Variants in ROBO2 observed in about 807,000 individuals in gnomAD.
ROBO2 encodes the protein roundabout guidance receptor 2.
In ROBO2, 53 loss-of-function variants were observed where a neutral mutation model predicts 160.8. The observed-to-expected ratio is 0.33, with a 90% confidence interval of 0.26 to 0.41. ROBO2 has a LOEUF of 0.41. Ranked by LOEUF, ROBO2 falls within the 10% of genes least tolerant of loss-of-function variation. The probability of loss-of-function intolerance (pLI) is 1.00; values close to 1 mark genes in which losing one functional copy is unlikely to be tolerated. For synonymous variants in ROBO2, 664 were observed against 611.7 expected, an observed-to-expected ratio of 1.09 and a Z score of -1.26; for missense variants, 1,577 against 1,722.4, an observed-to-expected ratio of 0.92 and a Z score of 1.49.
chr3:76,588,438 T>A (rs983505720), intron 2 of ROBO2, among the ~76,000 whole-genome samples: 2 of 152,214 alleles, frequency 1.3e-5, no homozygotes, highest in Non-Finnish European at 2.9e-5. Flanking sequence ...AGAGGATGGA[T>A]TAAGCAATAA....
intron 2 of ROBO2, among the ~76,000 whole-genome samples, chr3:77,281,039 CT>C (rs1445544017): frequency 6.6e-6 from 1 of 152,136 alleles, no homozygotes; most frequent in African/African-American, 2.4e-5. Context: ...TAATCAATGT[CT>C]CTGAGGACAT....
intron 2 of ROBO2, among the ~76,000 whole-genome samples, chr3:76,570,236 C>T (rs1226965079): frequency 6.6e-6 from 1 of 152,136 alleles, no homozygotes; most frequent in Admixed American, 6.5e-5. Flanking sequence ...GGAGCTATTG[C>T]TTTTTTCCAG....
At chr3:77,490,688 ACT>A (rs1356263328) in intron 4 of ROBO2, among the ~76,000 whole-genome samples, 5 of 151,868 alleles carry the variant, frequency 3.3e-5, no homozygotes, top group African/African-American at 1.2e-4. Flanking sequence ...ACACACACAA[ACT>A]CACACACACA....
exon 26 of ROBO2, chr3:77,649,569 T>C (rs1413509309): frequency 1.3e-5 from 2 of 152,210 alleles, no homozygotes; most frequent in Non-Finnish European, 2.9e-5. Flanking sequence ...TAAAGCAACA[T>C]GTCTTTCCAC....
intron 1 of ROBO2, among the ~76,000 whole-genome samples, chr3:77,057,690 C>A (rs2065895246): frequency 6.7e-6 from 1 of 148,636 alleles, no homozygotes; most frequent in Non-Finnish European, 1.5e-5. Context: ...CATGCTTCAG[C>A]CTCCCGAGTA....
At chr3:76,815,141 T>A (rs1375073931) in intron 2 of ROBO2, among the ~76,000 whole-genome samples, 1 of 152,082 alleles carries the variant, frequency 6.6e-6, no homozygotes, top group East Asian at 1.9e-4. Context: ...TGAAAATAAA[T>A]GAGAATAATT....
intron 2 of ROBO2, among the ~76,000 whole-genome samples, chr3:76,994,080 T>A (rs1408909851): frequency 8.9e-6 from 1 of 111,998 alleles, no homozygotes; most frequent in Non-Finnish European, 1.8e-5. Context: ...AACAAAGATG[T>A]GCTTTTTTTG....
intron 1 of ROBO2, among the ~76,000 whole-genome samples, chr3:77,061,522 T>A (rs1161112478): frequency 1.3e-5 from 2 of 152,128 alleles, no homozygotes; most frequent in Non-Finnish European, 2.9e-5. Flanking sequence ...AAGCTCTGAG[T>A]GGTTTTTGAA....
At chr3:77,059,929 A>G (rs1559924346) in intron 1 of ROBO2, among the ~76,000 whole-genome samples, 1 of 152,020 alleles carries the variant, frequency 6.6e-6, no homozygotes, top group Non-Finnish European at 1.5e-5. Context: ...TTCAGAGTAT[A>G]TACTACACCA....
intron 2 of ROBO2, among the ~76,000 whole-genome samples, chr3:76,077,267 T>C (rs1234764584): frequency 1.3e-5 from 2 of 152,170 alleles, no homozygotes; most frequent in Non-Finnish European, 2.9e-5. Flanking sequence ...CATAATGTTT[T>C]AAAATCTTAA....
intron 2 of ROBO2, among the ~76,000 whole-genome samples, chr3:77,098,906 A>G (rs1192778807): frequency 6.6e-6 from 1 of 151,828 alleles, no homozygotes; most frequent in African/African-American, 2.4e-5. Flanking sequence ...AAATTTTTGC[A>G]CTCTTCAGCT....
chr3:77,501,509 A>G (rs947658718), intron 5 of ROBO2, among the ~76,000 whole-genome samples: 3 of 152,198 alleles, frequency 2.0e-5, no homozygotes, highest in Non-Finnish European at 2.9e-5. Flanking sequence ...TAAGAGATCA[A>G]TGTTCTTATC....
rs368569723 is a variant in ROBO2, at chr3:76,330,238, A to G, written c.109+392636A>G. On this transcript the variant is annotated intron_variant, in intron 2 of 26. Coordinates refer to the ROBO2 transcript ENST00000487694. ...AGCAGGGGAGATAGAGATACACCCA[A>G]TTAATTGCAGGGATAAACTAAACTC... 5.3e-5 allele frequency among the ~76,000 whole-genome samples: 8 copies of G among 152,320 alleles called. No individual in the cohort carries two copies. The East Asian group carries it at 1.5e-3, about 29-fold the overall frequency.
chr3:76,554,924 A>C (rs2083615773), intron 2 of ROBO2, among the ~76,000 whole-genome samples: 1 of 152,022 alleles, frequency 6.6e-6, no homozygotes, highest in Non-Finnish European at 1.5e-5. Flanking sequence ...CCAAGGCATG[A>C]GTATTTATGG....
intron 2 of ROBO2, among the ~76,000 whole-genome samples, chr3:77,324,621 T>A (rs952518608): frequency 5.4e-5 from 8 of 149,474 alleles, no homozygotes; most frequent in Non-Finnish European, 1.0e-4. Flanking sequence ...CTACTAAAAA[T>A]ACAAAAAAAT....
intron 2 of ROBO2, among the ~76,000 whole-genome samples, chr3:76,577,166 C>T (rs1276308971): frequency 6.6e-6 from 1 of 152,058 alleles, no homozygotes; most frequent in Non-Finnish European, 1.5e-5. Flanking sequence ...ATCTCTTGTA[C>T]ATAACACACC....
At chr3:77,339,878 C>T (rs1267716867) in intron 2 of ROBO2, among the ~76,000 whole-genome samples, 1 of 151,990 alleles carries the variant, frequency 6.6e-6, no homozygotes, top group African/African-American at 2.4e-5. Flanking sequence ...TGAATTTGCC[C>T]TGCTGGCAAA....
chr3:76,141,560 T>C (rs2071671545), intron 2 of ROBO2, among the ~76,000 whole-genome samples: 1 of 151,782 alleles, frequency 6.6e-6, no homozygotes, highest in Non-Finnish European at 1.5e-5. Flanking sequence ...GAAAATAATT[T>C]GGAAAGCAAG....
At chr3:76,934,435 G>T (rs2077552412) in intron 2 of ROBO2, among the ~76,000 whole-genome samples, 1 of 145,450 alleles carries the variant, frequency 6.9e-6, no homozygotes, top group African/African-American at 2.5e-5. Context: ...ATTGACAAAT[G>T]GTTCAATTAA....
Sources: gnomAD v4.1 joint callset for allele counts (sites outside exome capture counted in the v4.1 genomes callset) on GRCh38, gnomAD v4.1.1 for gene constraint, MANE v1.5 for transcripts, NCBI Gene and HGNC (gene_info 2026-07-23, HGNC 2026-07-21) for gene names.